Variants in UVRAG observed in about 807,000 individuals in gnomAD.
UVRAG encodes UV radiation resistance-associated gene protein.
UVRAG carries 19 observed loss-of-function variants against 78.0 expected under a neutral mutation model. The ratio of observed to expected loss-of-function variants is 0.24; its 90% confidence interval spans 0.17 to 0.36. The LOEUF (loss-of-function observed/expected upper bound fraction) is 0.36. UVRAG is among the 10% of genes least tolerant of loss of function. The probability of loss-of-function intolerance (pLI) is 1.00; values close to 1 mark genes in which losing one functional copy is unlikely to be tolerated. For synonymous variants in UVRAG, 323 were observed against 324.6 expected, an observed-to-expected ratio of 1.00 and a Z score of 0.05; for missense variants, 740 against 853.8, an observed-to-expected ratio of 0.87 and a Z score of 1.66.
At chr11:75,903,106 C>T (rs1301206632) in intron 5 of UVRAG, among the ~76,000 whole-genome samples, 2 of 152,006 alleles carry the variant, frequency 1.3e-5, no homozygotes, top group Non-Finnish European at 2.9e-5. Context: ...TCCTCCTCCT[C>T]CTCTCTCTTT....
chr11:75,845,862 CAAA>C (rs922895452), intron 1 of UVRAG, among the ~76,000 whole-genome samples: 4 of 137,170 alleles, frequency 2.9e-5, no homozygotes, highest in African/African-American at 8.1e-5. Context: ...AAAGGTTGCC[CAAA>C]AAAAAAAAGT....
At chr11:75,915,765 G>C (rs929379243) in intron 6 of UVRAG, among the ~76,000 whole-genome samples, 5 of 152,090 alleles carry the variant, frequency 3.3e-5, no homozygotes, top group Non-Finnish European at 7.4e-5. Flanking sequence ...GGCTTATTAG[G>C]TACCTTTCTC....
chr11:75,854,565 C>T lies in UVRAG; in HGVS notation c.235+2565C>T, dbSNP rs1040631615. ...CCAAGAAGGTGGCATTACAGGCATG[C>T]GCCACCACACCCAGCTAATTTTTGT... On this transcript the variant is annotated intron_variant, in intron 2 of 14. Transcript: ENST00000356136. Among the ~76,000 whole-genome samples the T allele has an allele frequency of 3.9e-5, 6 of 152,124 alleles. No homozygotes were observed. The South Asian group carries it at 1.0e-3, about 26-fold the overall frequency.
chr11:75,930,915 A>G (rs1243766598), intron 6 of UVRAG: 1 of 136,174 alleles, frequency 7.3e-6, no homozygotes, highest in African/African-American at 2.6e-5. Context: ...TGGAAAAGGT[A>G]AAGTGTCGGG....
chr11:76,076,748 A>G (rs1951410966), intron 13 of UVRAG, among the ~76,000 whole-genome samples: 1 of 152,096 alleles, frequency 6.6e-6, no homozygotes, highest in South Asian at 2.1e-4. Context: ...CCATTTGTAT[A>G]TCTTCTTTGG....
chr11:76,004,490 A>G (rs969033102), intron 9 of UVRAG, among the ~76,000 whole-genome samples: 2 of 151,786 alleles, frequency 1.3e-5, no homozygotes, highest in Non-Finnish European at 2.9e-5. Flanking sequence ...TTATCTCTCT[A>G]ACATCAGTCT....
At chr11:76,079,978 C>T (rs572121922) in intron 13 of UVRAG, among the ~76,000 whole-genome samples, 45 of 152,212 alleles carry the variant, frequency 3.0e-4, no homozygotes, top group African/African-American at 9.6e-4. Flanking sequence ...GAAGCTGGGA[C>T]GTCTGAGAGC....
At chr11:75,927,367 C>T (rs1303210810) in intron 6 of UVRAG, among the ~76,000 whole-genome samples, 3 of 152,038 alleles carry the variant, frequency 2.0e-5, no homozygotes, top group Non-Finnish European at 4.4e-5. Flanking sequence ...CTGCACCTGG[C>T]CAGGGATGTA....
At chr11:75,958,437 A>G (rs1006696557) in intron 6 of UVRAG, among the ~76,000 whole-genome samples, 9 of 152,142 alleles carry the variant, frequency 5.9e-5, no homozygotes, top group Non-Finnish European at 1.3e-4. Flanking sequence ...AGTAGATTCT[A>G]TCTCAAAAAA....
intron 6 of UVRAG, among the ~76,000 whole-genome samples, chr11:75,960,696 G>A (rs763557120): frequency 2.6e-5 from 4 of 152,126 alleles, no homozygotes; most frequent in Non-Finnish European, 5.9e-5. Flanking sequence ...GAGCCCGGGA[G>A]GTCAAGGCTG....
Position 75,904,130 on chromosome 11 carries a change from A to T in UVRAG, c.508-7824A>T, listed in dbSNP as rs12418798. ...AAATGACATGTGGCCTGCAAAGCCT[A>T]AAACATTTACTATGTGGCCCTTTAT... On this transcript the variant is annotated intron_variant, in intron 5 of 14. Coordinates refer to ENST00000356136, the MANE Select transcript of UVRAG (RefSeq NM_003369.4). Among the ~76,000 whole-genome samples the T allele has an allele frequency of 4.2e-3, 636 of 152,360 alleles. 15 individuals carry two copies. The highest frequency in any genetic ancestry group is 0.038 in the Admixed American group (586 of 15,304).
chr11:75,924,452 C>G (rs1948046917), intron 6 of UVRAG, among the ~76,000 whole-genome samples: 1 of 151,832 alleles, frequency 6.6e-6, no homozygotes, highest in South Asian at 2.1e-4. Flanking sequence ...GTGGCATGAT[C>G]TTGGCTCACT....
At position 75,837,993 on chromosome 11, in the gene UVRAG, G is replaced by A. The variant is rs191619033; in HGVS notation, c.118-13890G>A. Among the ~76,000 whole-genome samples the A allele has an allele frequency of 2.1e-3, 323 of 152,188 alleles. 1 individual carries two copies. Among genetic ancestry groups the A allele is most frequent in the African/African-American group, 7.3e-3 (304 of 41,478 alleles). On this transcript the variant is annotated intron_variant, in intron 1 of 14. Coordinates refer to ENST00000356136, the MANE Select transcript of UVRAG (RefSeq NM_003369.4). ...ATTGTGCCACCACTCGCCAGCCTGG[G>A]TGATAGAGTGAGACCTTGTCTCTAC... is the stretch of plus-strand genomic sequence containing the variant.
intron 6 of UVRAG, among the ~76,000 whole-genome samples, chr11:75,933,119 T>C (rs1298802961): frequency 6.6e-6 from 1 of 152,186 alleles, no homozygotes; most frequent in African/African-American, 2.4e-5. Context: ...ACTACAGATC[T>C]GTAGTAAACA....
intron 12 of UVRAG, among the ~76,000 whole-genome samples, chr11:76,043,926 T>G (rs1427878343): frequency 6.6e-6 from 1 of 152,230 alleles, no homozygotes; most frequent in African/African-American, 2.4e-5. Flanking sequence ...ATAGTGTCAT[T>G]GTGGAGTTTG....
chr11:75,903,441 A>G lies in UVRAG; in HGVS notation c.508-8513A>G, dbSNP rs559305691. 2.4e-3 allele frequency among the ~76,000 whole-genome samples: 369 copies of G among 152,260 alleles called. 1 individual carries two copies. Among genetic ancestry groups the G allele is most frequent in the African/African-American group, 8.1e-3 (337 of 41,542 alleles). ...CACTACTTCCCTCTCCAGGGATCCA[A>G]ATAATTTCCACGTCACTGAAGCTAA... On this transcript the variant is annotated intron_variant, in intron 5 of 14. Transcript: ENST00000356136.
intron 3 of UVRAG, among the ~76,000 whole-genome samples, chr11:75,868,066 G>C (rs1235638368): frequency 6.6e-6 from 1 of 152,194 alleles, no homozygotes; most frequent in South Asian, 2.1e-4. Flanking sequence ...TAGAACTGGT[G>C]AGTGGGACTA....
At chr11:75,976,816 C>G (rs1374560647) in intron 7 of UVRAG, among the ~76,000 whole-genome samples, 1 of 152,062 alleles carries the variant, frequency 6.6e-6, no homozygotes, top group Non-Finnish European at 1.5e-5. Flanking sequence ...TTCAAAAAAC[C>G]AGCTCCTGGA....
intron 11 of UVRAG, among the ~76,000 whole-genome samples, chr11:76,015,658 T>TA (rs1950133789): frequency 6.6e-6 from 1 of 152,038 alleles, no homozygotes; most frequent in Admixed American, 6.5e-5. Context: ...GAAAAACAAA[T>TA]AGTCTGCTAT....
Sources: allele counts gnomAD v4.1 joint callset (sites outside exome capture counted in the v4.1 genomes callset), GRCh38; gene constraint gnomAD v4.1.1; transcripts MANE v1.5; gene names NCBI Gene and HGNC (gene_info 2026-07-23, HGNC 2026-07-21).